The following NEIL3 variants were observed in gnomAD, a reference collection of about 807,000 sequenced individuals.
NEIL3 encodes endonuclease 8-like 3.
Under a neutral mutation model 57.5 loss-of-function variants are expected in NEIL3, and 48 were observed. The ratio of observed to expected loss-of-function variants is 0.83; its 90% CI spans 0.66 to 1.06. The LOEUF (loss-of-function observed/expected upper bound fraction) is 1.06. Among genes scored for constraint, NEIL3 ranks in the 50% least tolerant of loss-of-function variants. NEIL3 has a pLI of 0.00. For synonymous variants in NEIL3, 261 were observed against 253.2 expected, an observed-to-expected ratio of 1.03 and a Z score of -0.29; for missense variants, 717 against 739.1, an observed-to-expected ratio of 0.97 and a Z score of 0.35.
chr4:177,358,411 G>A (rs1317561484), intron 8 of NEIL3, among the ~76,000 whole-genome samples: 1 of 152,088 alleles, frequency 6.6e-6, no homozygotes, highest in Non-Finnish European at 1.5e-5. Flanking sequence ...GGGTTCAAGG[G>A]ATTCTTCTGA....
intron 6 of NEIL3, among the ~76,000 whole-genome samples, chr4:177,346,413 C>G (rs1408464476): frequency 3.3e-5 from 5 of 152,142 alleles, no homozygotes; most frequent in African/African-American, 1.2e-4. Context: ...CAGCAATCCT[C>G]CTGCCTCAGC....
chr4:177,328,189 A>C (rs527510436), intron 2 of NEIL3, among the ~76,000 whole-genome samples: 3 of 152,374 alleles, frequency 2.0e-5, no homozygotes, highest in Admixed American at 2.0e-4. Context: ...CATTTTTAAA[A>C]GAAGTAATGG....
intron 2 of NEIL3, among the ~76,000 whole-genome samples, chr4:177,331,790 G>A (rs1482228746): frequency 3.3e-5 from 5 of 152,156 alleles, no homozygotes; most frequent in Admixed American, 3.3e-4. Flanking sequence ...CAGGGATTGA[G>A]TGAGTCTAGT....
chr4:177,352,659 T>C (rs573101930), intron 7 of NEIL3, among the ~76,000 whole-genome samples: 4 of 152,104 alleles, frequency 2.6e-5, no homozygotes, highest in South Asian at 4.2e-4. Flanking sequence ...TGAAACCCCA[T>C]CTCTACTAAA....
At chr4:177,332,215 A>G (rs1734897524) in intron 2 of NEIL3, among the ~76,000 whole-genome samples, 1 of 152,216 alleles carries the variant, frequency 6.6e-6, no homozygotes, top group Non-Finnish European at 1.5e-5. Context: ...TACTTGGGTC[A>G]GAGAGCTTCC....
downstream of NEIL3, among the ~76,000 whole-genome samples, chr4:177,367,500 G>A (rs1482594065): frequency 1.3e-5 from 2 of 152,302 alleles, no homozygotes; most frequent in Non-Finnish European, 2.9e-5. Context: ...GAGAGCAGAT[G>A]TCTCTGTGCC....
intron 4 of NEIL3, among the ~76,000 whole-genome samples, chr4:177,337,984 A>G (rs959830568): frequency 2.6e-5 from 4 of 151,990 alleles, no homozygotes; most frequent in Non-Finnish European, 5.9e-5. Context: ...ACGCCACTGC[A>G]CTGCAGTCTG....
chr4:177,350,588 T>C (rs1735329112), intron 6 of NEIL3, among the ~76,000 whole-genome samples: 1 of 152,222 alleles, frequency 6.6e-6, no homozygotes, highest in Non-Finnish European at 1.5e-5. Flanking sequence ...ATTTACATAG[T>C]GCTCAGCAGA....
the NEIL3 span, among the ~76,000 whole-genome samples, chr4:177,370,308 TTCTCTC>T: frequency 3.9e-5 from 6 of 152,184 alleles, no homozygotes; most frequent in African/African-American, 1.4e-4. Flanking sequence ...ACTAATCTCT[TTCTCTC>T]TCTACTTCTT....
In NEIL3 at chr4:177,362,474, T is replaced by C. The variant is rs1735628972; in HGVS notation, c.*3T>C. On this transcript the variant is annotated 3_prime_UTR_variant, in exon 10 of 10. Coordinates refer to ENST00000264596, the MANE Select transcript of NEIL3 (RefSeq NM_018248.3). The stretch of plus-strand genomic sequence containing the variant: ...TAAAAATTATTCCTGGATGCTAATA[T>C]CTGTAGATTCTCTGGCATTTAGTCT... 6.2e-7 allele frequency: 1 copy of C among 1,603,628 alleles called. No individual in the cohort carries two copies.
At chr4:177,333,350 G>T (rs1354235803) in intron 2 of NEIL3, among the ~76,000 whole-genome samples, 1 of 152,110 alleles carries the variant, frequency 6.6e-6, no homozygotes, top group African/African-American at 2.4e-5. Flanking sequence ...TCTTTAGGAA[G>T]ATATTTCTAA....
chr4:177,319,340 G>A (rs1734631341), intron 1 of NEIL3, among the ~76,000 whole-genome samples: 1 of 152,210 alleles, frequency 6.6e-6, no homozygotes, highest in Admixed American at 6.5e-5. Flanking sequence ...AAGAAGGGAA[G>A]AGAGCCAGTC....
chr4:177,339,331 G>T (rs34407399), intron 4 of NEIL3, among the ~76,000 whole-genome samples: 2 of 152,158 alleles, frequency 1.3e-5, no homozygotes, highest in African/African-American at 2.4e-5. Context: ...GATGGTCTGC[G>T]CCTGTAATCC....
In NEIL3 at chr4:177,310,222, G is replaced by A. The variant is rs541516314; in HGVS notation, c.156+113G>A. 22 of 1,186,826 alleles carry A rather than the reference G, an allele frequency of 1.9e-5. No homozygotes were observed. In the African/African-American group the frequency reaches 2.3e-4, roughly 12 times the overall value. The allele number at this position is 1,186,826 out of a possible 1,614,324, so 73.5% of individuals were successfully genotyped here. ...CTCTTTGCTCTGGCCCAGGTTTCCTGGGGTCCCACCTTTCACAGAGTTTAT... is the reference window on the plus strand; with the variant it reads ...CTCTTTGCTCTGGCCCAGGTTTCCTAGGGTCCCACCTTTCACAGAGTTTAT... On this transcript the variant is annotated intron_variant, in intron 1 of 9. Transcript: ENST00000264596.
At position 177,334,404 on chromosome 4, in the gene NEIL3, C is replaced by T. The variant is rs1233689388; in HGVS notation, c.279-1284C>T. ...TAAGTCAGAGCCATACTTATTTGAT[C>T]TAAGGTTCTTGCTGGGGCTACTCCT... On this transcript the variant is annotated intron_variant, in intron 2 of 9. Transcript: ENST00000264596. Among the ~76,000 whole-genome samples the T allele has an allele frequency of 2.6e-5, 4 of 152,126 alleles. No homozygotes were observed. In the East Asian group the frequency reaches 7.7e-4, roughly 29 times the overall value.
At chr4:177,320,718 C>T (rs1446562669) in intron 1 of NEIL3, among the ~76,000 whole-genome samples, 1 of 151,674 alleles carries the variant, frequency 6.6e-6, no homozygotes, top group East Asian at 1.9e-4. Context: ...CCGCCCGCCT[C>T]GACCTCCCAA....
intron 2 of NEIL3, among the ~76,000 whole-genome samples, chr4:177,328,077 A>C (rs1734817051): frequency 6.6e-6 from 1 of 152,198 alleles, no homozygotes; most frequent in African/African-American, 2.4e-5. Flanking sequence ...GTTTCATCTG[A>C]TATTCCAGAA....
intron 4 of NEIL3, among the ~76,000 whole-genome samples, chr4:177,338,948 TA>T (rs1330714956): frequency 1.3e-5 from 2 of 152,302 alleles, no homozygotes; most frequent in East Asian, 3.9e-4. Flanking sequence ...AAATATTCAA[TA>T]AATGCTTGAA....
chr4:177,315,018 G>A (rs1312029943), intron 1 of NEIL3, among the ~76,000 whole-genome samples: 8 of 146,902 alleles, frequency 5.4e-5, no homozygotes, highest in African/African-American at 1.8e-4. Context: ...GCAGTGAGCC[G>A]AGATCGCGCC....
Sources: allele counts gnomAD v4.1 joint callset (sites outside exome capture counted in the v4.1 genomes callset), GRCh38; gene constraint gnomAD v4.1.1; transcripts MANE v1.5; gene names NCBI Gene and HGNC (gene_info 2026-07-23, HGNC 2026-07-21).